The following RIMS1 variants were observed in gnomAD, a reference collection of about 807,000 sequenced individuals.
RIMS1 encodes regulating synaptic membrane exocytosis protein 1.
RIMS1 carries 83 observed loss-of-function variants against 214.1 expected under a neutral mutation model. The ratio of observed to expected loss-of-function variants is 0.39; its 90% confidence interval spans 0.32 to 0.47. RIMS1 has a LOEUF of 0.47. Ranked by LOEUF, RIMS1 falls within the 20% of genes least tolerant of loss-of-function variation. The probability of loss-of-function intolerance (pLI) is 0.99; values close to 1 mark genes in which losing one functional copy is unlikely to be tolerated. For synonymous variants in RIMS1, 793 were observed against 786.8 expected (o/e 1.01, Z -0.13); for missense variants, 2,050 against 2,161.8 (o/e 0.95, Z 1.03).
intron 16 of RIMS1, among the ~76,000 whole-genome samples, chr6:72,256,307 G>A (rs968107896): frequency 5.9e-5 from 9 of 151,986 alleles, no homozygotes; most frequent in Admixed American, 2.0e-4. Flanking sequence ...ACACATTGCC[G>A]TCAGTATACT....
At chr6:72,339,472 C>G (rs2154352408) in intron 29 of RIMS1, among the ~76,000 whole-genome samples, 1 of 151,830 alleles carries the variant, frequency 6.6e-6, no homozygotes, top group African/African-American at 2.4e-5. Context: ...TGTGATGTTC[C>G]CCTTCCTTTG....
chr6:71,932,267 C>T (rs1267547417), intron 1 of RIMS1, among the ~76,000 whole-genome samples: 2 of 152,068 alleles, frequency 1.3e-5, no homozygotes, highest in East Asian at 3.8e-4. Context: ...AAATGTGATG[C>T]ATATAACCAC....
At chr6:72,214,210 A>G (rs2054705759) in intron 6 of RIMS1, among the ~76,000 whole-genome samples, 1 of 152,126 alleles carries the variant, frequency 6.6e-6, no homozygotes, top group African/African-American at 2.4e-5. Context: ...CATGAATACC[A>G]TTTTGATTAA....
At chr6:72,249,436 T>C (rs2071968492) in intron 12 of RIMS1, among the ~76,000 whole-genome samples, 1 of 152,164 alleles carries the variant, frequency 6.6e-6, no homozygotes, top group South Asian at 2.1e-4. Context: ...GTCATTTGTG[T>C]ATTGTATCCT....
At position 72,280,125 on chromosome 6, in the gene RIMS1, CAAATTTAATGATAATACTCA is replaced by C. The variant is rs1348051091; in HGVS notation, c.3483-3917_3483-3898del. ...TTTTTTATTGTAATTTTTGGGCTTT[CAAATTTAATGATAATACTCA>C]AAATATTACCTTTTAAACTATCCAT... On this transcript the variant is annotated intron_variant, in intron 23 of 33. Coordinates refer to ENST00000521978, the MANE Select transcript of RIMS1 (RefSeq NM_014989.7). 4.0e-5 allele frequency among the ~76,000 whole-genome samples: 6 copies of C among 151,530 alleles called. No individual in the cohort carries two copies. In the East Asian group the frequency reaches 1.2e-3, roughly 29 times the overall value.
At chr6:72,337,893 A>G (rs1458622034) in intron 29 of RIMS1, among the ~76,000 whole-genome samples, 2 of 151,566 alleles carry the variant, frequency 1.3e-5, no homozygotes, top group African/African-American at 4.8e-5. Flanking sequence ...TTCCAGCTTC[A>G]TCCATGTCCA....
chr6:72,367,940 T>C (rs1233090287), intron 29 of RIMS1, among the ~76,000 whole-genome samples: 2 of 152,196 alleles, frequency 1.3e-5, no homozygotes, highest in African/African-American at 4.8e-5. Flanking sequence ...AATTAATTCC[T>C]AATTTCAATT....
intron 1 of RIMS1, among the ~76,000 whole-genome samples, chr6:71,903,316 A>G (rs764528835): frequency 3.3e-5 from 5 of 152,148 alleles, no homozygotes; most frequent in Non-Finnish European, 5.9e-5. Flanking sequence ...GATTGGCCGC[A>G]TGAATGTCTT....
intron 6 of RIMS1, among the ~76,000 whole-genome samples, chr6:72,205,593 A>G (rs1366709282): frequency 6.6e-6 from 1 of 152,206 alleles, no homozygotes; most frequent in Non-Finnish European, 1.5e-5. Context: ...AACTGAAATC[A>G]TGTAAGAACT....
At chr6:71,941,588 C>T (rs562801408) in intron 1 of RIMS1, among the ~76,000 whole-genome samples, 2 of 152,140 alleles carry the variant, frequency 1.3e-5, no homozygotes, top group Admixed American at 6.6e-5. Flanking sequence ...CTCATCCTTT[C>T]TTCTGTTTCT....
intron 27 of RIMS1, among the ~76,000 whole-genome samples, chr6:72,309,997 A>G (rs932015051): frequency 6.6e-6 from 1 of 152,048 alleles, no homozygotes; most frequent in Non-Finnish European, 1.5e-5. Flanking sequence ...TTTTATAACT[A>G]TTTTATAAAG....
At chr6:72,031,503 CT>C (rs1320361398) in intron 2 of RIMS1, among the ~76,000 whole-genome samples, 1 of 152,012 alleles carries the variant, frequency 6.6e-6, no homozygotes, top group Non-Finnish European at 1.5e-5. Context: ...GAAAATGTTT[CT>C]CAATATAGGA....
At chr6:71,910,519 C>T (rs1399407639) in intron 1 of RIMS1, among the ~76,000 whole-genome samples, 1 of 152,140 alleles carries the variant, frequency 6.6e-6, no homozygotes. Context: ...AATTTTATGA[C>T]TTGAACATAC....
At chr6:72,186,270 T>C (rs1332096912) in intron 6 of RIMS1, among the ~76,000 whole-genome samples, 2 of 152,238 alleles carry the variant, frequency 1.3e-5, no homozygotes, top group Non-Finnish European at 2.9e-5. Flanking sequence ...GTGTTTTGGG[T>C]AGTAACTTTG....
chr6:72,318,950 A>AT (rs1563992207), intron 28 of RIMS1, among the ~76,000 whole-genome samples: 1 of 152,132 alleles, frequency 6.6e-6, no homozygotes, highest in African/African-American at 2.4e-5. Context: ...AAGTGAAAGG[A>AT]TTTTTTAGAA....
chr6:72,314,882 G>A (rs1305673128), intron 28 of RIMS1, among the ~76,000 whole-genome samples: 7 of 151,996 alleles, frequency 4.6e-5, no homozygotes, highest in African/African-American at 9.7e-5. Context: ...ATTTTTGTTT[G>A]TATTCACTGT....
chr6:72,065,341 T>C (rs186359376), intron 2 of RIMS1, among the ~76,000 whole-genome samples: 1 of 152,330 alleles, frequency 6.6e-6, no homozygotes, highest in East Asian at 1.9e-4. Flanking sequence ...CCCATCGATA[T>C]CTGCTGAAGA....
At chr6:72,010,217 G>A (rs542983404) in intron 2 of RIMS1, among the ~76,000 whole-genome samples, 8 of 151,594 alleles carry the variant, frequency 5.3e-5, no homozygotes, top group Admixed American at 2.0e-4. Context: ...AAACAGAAGC[G>A]AAGAAAAAAA....
At chr6:72,021,343 G>A (rs1219980571) in intron 2 of RIMS1, among the ~76,000 whole-genome samples, 1 of 152,154 alleles carries the variant, frequency 6.6e-6, no homozygotes, top group Non-Finnish European at 1.5e-5. Flanking sequence ...GGGGCTTTGG[G>A]TATTGAAGCT....
Sources: gnomAD v4.1 joint callset for allele counts (sites outside exome capture counted in the v4.1 genomes callset) on GRCh38, gnomAD v4.1.1 for gene constraint, MANE v1.5 for transcripts, NCBI Gene and HGNC (gene_info 2026-07-23, HGNC 2026-07-21) for gene names.